The following CUX1 variants were observed in gnomAD, a reference collection of about 807,000 sequenced individuals.
CUX1 encodes cut like homeobox 1.
Under a neutral mutation model 158.8 loss-of-function variants are expected in CUX1, and 31 were observed. That is an observed-to-expected ratio of 0.20 (90% CI 0.15 to 0.26). The LOEUF is 0.26. CUX1 is among the 10% of genes least tolerant of loss of function. The pLI, the probability that CUX1 is intolerant of heterozygous loss-of-function variation, is 1.00. For missense variants in CUX1, 1,589 were observed against 2,014.6 expected (o/e 0.79, Z 4.04); for synonymous variants, 879 against 862.1 (o/e 1.02, Z -0.34).
chr7:102,245,376 T>G (rs930682365), intron 23 of CUX1, among the ~76,000 whole-genome samples: 9 of 152,280 alleles, frequency 5.9e-5, no homozygotes, highest in African/African-American at 1.9e-4. Flanking sequence ...TATCATCTTA[T>G]TAGTCCCTCC....
intron 2 of CUX1, among the ~76,000 whole-genome samples, chr7:102,024,607 G>C (rs1819770591): frequency 6.6e-6 from 1 of 152,142 alleles, no homozygotes; most frequent in African/African-American, 2.4e-5. Flanking sequence ...GATTACAGGT[G>C]TGAGCCAGCG....
At chr7:102,242,205 C>CTTTTTTTTTTTTTTTT (rs67514665) in intron 23 of CUX1, among the ~76,000 whole-genome samples, 1 of 93,072 alleles carries the variant, frequency 1.1e-5, no homozygotes, top group African/African-American at 3.9e-5. Context: ...TTCTTTCTTT[C>CTTTTTTTTTTTTTTTT]TTTTTTTTTT....
chr7:101,919,840 C>T (rs1010658968), intron 2 of CUX1, among the ~76,000 whole-genome samples: 10 of 152,218 alleles, frequency 6.6e-5, no homozygotes, highest in Middle Eastern at 6.8e-3. Flanking sequence ...GGGAGGTGGC[C>T]AGGGAGGGGT....
At chr7:102,075,617 G>GT (rs929573163) in intron 4 of CUX1, among the ~76,000 whole-genome samples, 8 of 152,154 alleles carry the variant, frequency 5.3e-5, no homozygotes. Context: ...AATGCTGAGT[G>GT]TTTTTTTGGT....
intron 1 of CUX1, among the ~76,000 whole-genome samples, chr7:101,834,612 C>T (rs1794427962): frequency 6.6e-6 from 1 of 152,144 alleles, no homozygotes; most frequent in East Asian, 1.9e-4. Context: ...TCTAAACGTG[C>T]CGCTTGTTGC....
intron 8 of CUX1, among the ~76,000 whole-genome samples, chr7:102,152,667 C>G (rs1310971087): frequency 6.6e-6 from 1 of 152,238 alleles, no homozygotes; most frequent in Non-Finnish European, 1.5e-5. Flanking sequence ...GCTGGGATTA[C>G]AGGCATGAGC....
upstream of CUX1, chr7:101,816,831 C>T (rs1466531598): frequency 2.6e-5 from 20 of 781,316 alleles, no homozygotes; most frequent in South Asian, 5.8e-5. Context: ...GCGCTCGCTA[C>T]CCCCGGCCGG....
intron 8 of CUX1, chr7:102,154,601 C>CACAT (rs1836049042): frequency 6.7e-6 from 1 of 148,704 alleles, no homozygotes; most frequent in Admixed American, 6.7e-5. Context: ...AGCTTGTCTC[C>CACAT]AAATAAATAA....
intron 8 of CUX1, among the ~76,000 whole-genome samples, chr7:102,136,163 A>G (rs1316081232): frequency 1.3e-5 from 2 of 152,118 alleles, no homozygotes; most frequent in Admixed American, 6.6e-5. Flanking sequence ...TATCTGACAA[A>G]TCAGGTATAA....
intron 2 of CUX1, among the ~76,000 whole-genome samples, chr7:102,020,825 A>G (rs1290983388): frequency 6.6e-6 from 1 of 151,742 alleles, no homozygotes; most frequent in Non-Finnish European, 1.5e-5. Context: ...GGTTGCAGTG[A>G]GCTGAGATCG....
chr7:101,986,151 G>C (rs922102421), intron 2 of CUX1, among the ~76,000 whole-genome samples: 1 of 152,160 alleles, frequency 6.6e-6, no homozygotes, highest in Non-Finnish European at 1.5e-5. Flanking sequence ...GATAGAAACC[G>C]GTCCTGGTTT....
chr7:102,205,324 C>G (rs1307695533), intron 20 of CUX1, among the ~76,000 whole-genome samples, 154 bp downstream of exon 20: 1 of 152,218 alleles, frequency 6.6e-6, no homozygotes, highest in African/African-American at 2.4e-5. Context: ...CGGGGTCCCT[C>G]TCTGTGTCAG....
chr7:102,070,941 A>AT lies in CUX1; in HGVS notation c.268+534dup, dbSNP rs957447345. Among the ~76,000 whole-genome samples, 62 of 87,146 alleles carry AT rather than the reference A, an allele frequency of 7.1e-4. 1 individual carries two copies. The highest frequency in any genetic ancestry group is 1.8e-3 in the African/African-American group (53 of 29,202). 57.2% of individuals were successfully genotyped at this position (87,146 alleles called of 152,430 possible). ...ACCAAGTATATCAGTTGTTTCTTTTATTTTTTTTTTCTAATTTTATTTATT... is the reference window on the plus strand; with the variant it reads ...ACCAAGTATATCAGTTGTTTCTTTTATTTTTTTTTTTCTAATTTTATTTATT... On this transcript the variant is annotated intron_variant, in intron 4 of 23. Transcript: ENST00000292535.
Position 102,250,364 on chromosome 7 carries a change from C to A in CUX1, c.*1322C>A. 2.0e-6 allele frequency: 2 copies of A among 985,566 alleles called. No homozygotes were observed. Among genetic ancestry groups the A allele is most frequent in the Non-Finnish European group, 2.4e-6 (2 of 830,034 alleles). The allele number at this position is 985,566 out of a possible 1,614,324, so 61.1% of individuals were successfully genotyped here. ...ACGGATCTCTCTCTGGCACAGAAGG[C>A]ACCTCACCTCACACCACTCTCCTGG... On this transcript the variant is annotated 3_prime_UTR_variant, in exon 24 of 24. Transcript: ENST00000292535.
intron 2 of CUX1, among the ~76,000 whole-genome samples, chr7:101,972,697 G>C (rs1373484404): frequency 1.3e-5 from 2 of 152,210 alleles, no homozygotes; most frequent in Non-Finnish European, 2.9e-5. Flanking sequence ...ACTCCCTGTC[G>C]GGGAAGGACT....
chr7:101,908,450 TTTTGTTTGTTTG>T (rs59267502), intron 1 of CUX1, among the ~76,000 whole-genome samples: 3,496 of 150,288 alleles, frequency 0.023, 110 homozygotes, highest in African/African-American at 0.066. Context: ...CCAGCCTGTT[TTTTGTTTGTTTG>T]TTTGTTTGTT....
At chr7:101,928,702 G>T (rs182858578) in intron 2 of CUX1, among the ~76,000 whole-genome samples, 1 of 106,766 alleles carries the variant, frequency 9.4e-6, no homozygotes, top group African/African-American at 3.5e-5. Context: ...ACGGAGTCTC[G>T]CTCTGTCACC....
chr7:102,191,283 G>T (rs1794246381), intron 12 of CUX1, among the ~76,000 whole-genome samples: 1 of 152,204 alleles, frequency 6.6e-6, no homozygotes, highest in Non-Finnish European at 1.5e-5. Flanking sequence ...GCCCAGGCTG[G>T]AGTGCAATGG....
At chr7:102,154,841 G>A (rs369241740) in intron 8 of CUX1, among the ~76,000 whole-genome samples, 9 of 152,140 alleles carry the variant, frequency 5.9e-5, no homozygotes, top group African/African-American at 1.4e-4. Context: ...CTTATATAGG[G>A]GCACACTGGA....
Sources: gnomAD v4.1 joint callset for allele counts (sites outside exome capture counted in the v4.1 genomes callset) on GRCh38, gnomAD v4.1.1 for gene constraint, MANE v1.5 for transcripts, NCBI Gene and HGNC (gene_info 2026-07-23, HGNC 2026-07-21) for gene names.